QTMAN: variants seen among roughly 807,000 people sequenced by gnomAD.
QTMAN encodes the protein queuosine-tRNA mannosyltransferase.
chr2:144,066,592 G>C, the QTMAN span, among the ~76,000 whole-genome samples: 1 of 152,284 alleles, frequency 6.6e-6, no homozygotes, highest in South Asian at 2.1e-4. Flanking sequence ...GAGGTGGGTG[G>C]ACCACCTGAG....
the QTMAN span, among the ~76,000 whole-genome samples, chr2:144,116,186 T>A: frequency 2.7e-4 from 41 of 150,538 alleles, no homozygotes; most frequent in African/African-American, 6.3e-4. Context: ...CTAGTAAATT[T>A]AAAAAAAAAT....
At chr2:144,072,198 G>A in the QTMAN span, among the ~76,000 whole-genome samples, 1 of 152,164 alleles carries the variant, frequency 6.6e-6, no homozygotes. Flanking sequence ...TGCTCAGTCA[G>A]TTTTATGTGG....
At chr2:144,188,079 G>A in the QTMAN span, among the ~76,000 whole-genome samples, 1 of 151,558 alleles carries the variant, frequency 6.6e-6, no homozygotes, top group Non-Finnish European at 1.5e-5. Context: ...CAGAGGGAGT[G>A]TGGCCCTGCT....
At chr2:144,031,129 G>A in the QTMAN span, among the ~76,000 whole-genome samples, 2 of 152,052 alleles carry the variant, frequency 1.3e-5, no homozygotes, top group South Asian at 4.2e-4. Context: ...TACTATTGAT[G>A]TCTAAAACCT....
chr2:144,010,814 AG>A, the QTMAN span, among the ~76,000 whole-genome samples: 2 of 152,148 alleles, frequency 1.3e-5, no homozygotes, highest in African/African-American at 4.8e-5. Flanking sequence ...AGAGTCTCTA[AG>A]GAAAAAGAAT....
chr2:144,222,715 G>A, the QTMAN span, among the ~76,000 whole-genome samples: 9 of 152,092 alleles, frequency 5.9e-5, no homozygotes, highest in African/African-American at 1.9e-4. Context: ...GGCTGAGGCA[G>A]GAGAATGGAG....
chr2:144,238,067 G>C, the QTMAN span, among the ~76,000 whole-genome samples: 1 of 152,172 alleles, frequency 6.6e-6, no homozygotes, highest in African/African-American at 2.4e-5. Context: ...CCAAGAGCCA[G>C]AATTACCCAG....
At chr2:143,981,795 T>C in the QTMAN span, among the ~76,000 whole-genome samples, 6 of 152,216 alleles carry the variant, frequency 3.9e-5, no homozygotes, top group Non-Finnish European at 5.9e-5. Context: ...GTCTGTTCTA[T>C]AAAGACCTGC....
chr2:143,971,121 T>A, the QTMAN span, among the ~76,000 whole-genome samples: 8 of 152,158 alleles, frequency 5.3e-5, no homozygotes, highest in African/African-American at 1.9e-4. Flanking sequence ...TAAACTTTTT[T>A]TTTTTTTTAA....
the QTMAN span, chr2:144,007,450 G>T: frequency 1.2e-6 from 2 of 1,613,248 alleles, no homozygotes; most frequent in Non-Finnish European, 1.7e-6. Flanking sequence ...GGCTGAAAAG[G>T]AAGGGCCATG....
chr2:144,021,898 A>G, the QTMAN span, among the ~76,000 whole-genome samples: 2 of 152,312 alleles, frequency 1.3e-5, no homozygotes, highest in South Asian at 4.2e-4. Context: ...CTTATAAAAG[A>G]GAGCTAACAC....
chr2:143,947,048 T>C, the QTMAN span: 1 of 1,603,860 alleles, frequency 6.2e-7, no homozygotes, highest in African/African-American at 1.3e-5. Context: ...CTTAGCCCCA[T>C]CTGTCACAAA....
the QTMAN span, among the ~76,000 whole-genome samples, chr2:143,970,448 A>T: frequency 6.6e-6 from 1 of 152,232 alleles, no homozygotes; most frequent in Non-Finnish European, 1.5e-5. Flanking sequence ...GATCAAAGAG[A>T]TGACTTCACG....
chr2:144,105,372 T>C, the QTMAN span, among the ~76,000 whole-genome samples: 2 of 152,136 alleles, frequency 1.3e-5, no homozygotes, highest in Admixed American at 6.5e-5. Context: ...ATTAGACGAA[T>C]GGCTAACTAG....
chr2:144,071,003 C>T, the QTMAN span, among the ~76,000 whole-genome samples: 1 of 152,062 alleles, frequency 6.6e-6, no homozygotes, highest in Non-Finnish European at 1.5e-5. Flanking sequence ...GGATGTCCTG[C>T]TGGCTTTAAA....
chr2:143,980,280 C>A, the QTMAN span, among the ~76,000 whole-genome samples: 1 of 152,086 alleles, frequency 6.6e-6, no homozygotes, highest in Non-Finnish European at 1.5e-5. Flanking sequence ...TGAGAACATG[C>A]AATGTCTGGT....
At chr2:144,115,486 C>A in the QTMAN span, among the ~76,000 whole-genome samples, 2 of 152,224 alleles carry the variant, frequency 1.3e-5, no homozygotes, top group Non-Finnish European at 2.9e-5. Context: ...TTCTTTCACA[C>A]TTACTACTAA....
At chr2:144,060,353 C>T in the QTMAN span, among the ~76,000 whole-genome samples, 4 of 152,062 alleles carry the variant, frequency 2.6e-5, no homozygotes, top group African/African-American at 4.8e-5. Flanking sequence ...CTCCGCCTCC[C>T]TGGTTCAAGC....
At chr2:144,281,472 C>T in the QTMAN span, among the ~76,000 whole-genome samples, 1 of 138,906 alleles carries the variant, frequency 7.2e-6, no homozygotes, top group Admixed American at 7.4e-5. Flanking sequence ...TATAATCATA[C>T]AACTGAATAT....
Sources: gnomAD v4.1 joint callset for allele counts (sites outside exome capture counted in the v4.1 genomes callset) on GRCh38, gnomAD v4.1.1 for gene constraint, MANE v1.5 for transcripts, NCBI Gene and HGNC (gene_info 2026-07-23, HGNC 2026-07-21) for gene names.